ABCD3: variants seen among roughly 807,000 people sequenced by gnomAD.
ABCD3 encodes ATP binding cassette subfamily D member 3.
ABCD3 carries 41 observed loss-of-function variants against 105.5 expected under a neutral mutation model. The observed-to-expected ratio is 0.39, with a 90% CI of 0.30 to 0.50. ABCD3 has a LOEUF of 0.50. ABCD3 is among the 20% of genes least tolerant of loss of function. The pLI is 0.84. For missense variants in ABCD3, 622 were observed against 806.3 expected (o/e 0.77, Z 2.77); for synonymous variants, 258 against 269.0 (o/e 0.96, Z 0.40).
chr1:94,385,195 G>A, the ABCD3 span, among the ~76,000 whole-genome samples: 1 of 152,150 alleles, frequency 6.6e-6, no homozygotes. Context: ...GAAGAATGGG[G>A]CATTCTCTTA....
At chr1:94,441,965 T>G (rs1056155257) in intron 1 of ABCD3, among the ~76,000 whole-genome samples, 1 of 152,210 alleles carries the variant, frequency 6.6e-6, no homozygotes, top group African/African-American at 2.4e-5. Flanking sequence ...ATTCTATCCA[T>G]GTTAATTTCA....
At chr1:94,515,029 A>G (rs991826130) in intron 21 of ABCD3, 117 bp from the exon 22 acceptor site, 14 of 798,072 alleles carry the variant, frequency 1.8e-5, no homozygotes, top group Non-Finnish European at 2.5e-5. Context: ...TTTCTCATTG[A>G]CATTGCTTTT....
At chr1:94,408,639 G>C in the ABCD3 span, among the ~76,000 whole-genome samples, 1 of 151,970 alleles carries the variant, frequency 6.6e-6, no homozygotes, top group African/African-American at 2.4e-5. Flanking sequence ...AATGGGCAGA[G>C]CCTGCCATAT....
At chr1:94,484,119 T>C (rs1649165992) in intron 10 of ABCD3, among the ~76,000 whole-genome samples, 1 of 152,124 alleles carries the variant, frequency 6.6e-6, no homozygotes, top group Admixed American at 6.5e-5. Flanking sequence ...AGAATGGCGA[T>C]CATTGAAAAG....
intron 20 of ABCD3, among the ~76,000 whole-genome samples, chr1:94,505,384 T>C (rs1229151616): frequency 6.6e-6 from 1 of 150,544 alleles, no homozygotes; most frequent in Non-Finnish European, 1.5e-5. Context: ...TTTTTTTTTT[T>C]TTTTTTTTTT....
chr1:94,467,839 C>A, intron 3 of ABCD3, 80 bp from the exon 4 acceptor site: 1 of 1,041,478 alleles, frequency 9.6e-7, no homozygotes, highest in Non-Finnish European at 1.5e-6. Context: ...ATTTGGAAAC[C>A]AAAAATTGTT....
chr1:94,417,241 C>T (rs769199058), upstream of ABCD3, among the ~76,000 whole-genome samples: 2 of 152,194 alleles, frequency 1.3e-5, no homozygotes, highest in African/African-American at 2.4e-5. Context: ...CACCTCTATA[C>T]GCATGCCATT....
At chr1:94,412,622 G>C in the ABCD3 span, among the ~76,000 whole-genome samples, 4 of 152,174 alleles carry the variant, frequency 2.6e-5, 1 homozygote, top group Admixed American at 6.5e-5. Flanking sequence ...TACATCTGCA[G>C]AGTCAATTCC....
intron 1 of ABCD3, among the ~76,000 whole-genome samples, chr1:94,446,750 A>G (rs544047444): frequency 1.3e-5 from 2 of 152,320 alleles, no homozygotes; most frequent in South Asian, 2.1e-4. Context: ...TGCGTGGCCA[A>G]TTCAACCTGT....
chr1:94,447,204 C>A (rs934075248), intron 1 of ABCD3, among the ~76,000 whole-genome samples: 1 of 152,084 alleles, frequency 6.6e-6, no homozygotes. Flanking sequence ...TAGAGAACGT[C>A]GTTAATAAAC....
chr1:94,408,908 C>T, the ABCD3 span, among the ~76,000 whole-genome samples: 1 of 152,190 alleles, frequency 6.6e-6, no homozygotes, highest in Non-Finnish European at 1.5e-5. Flanking sequence ...CTATGTTAAA[C>T]TGCAATAAGA....
At chr1:94,506,790 A>G (rs1650375855) in intron 21 of ABCD3, 148 bp downstream of exon 21, 1 of 604,558 alleles carries the variant, frequency 1.7e-6, no homozygotes. Context: ...TTTAAAACAT[A>G]TGAATAAAAG....
At chr1:94,468,862 C>G (rs1648296747) in intron 4 of ABCD3, among the ~76,000 whole-genome samples, 1 of 143,504 alleles carries the variant, frequency 7.0e-6, no homozygotes, top group Non-Finnish European at 1.5e-5. Context: ...TGACTCATTT[C>G]TCTAGGACAG....
intron 16 of ABCD3, among the ~76,000 whole-genome samples, chr1:94,497,144 C>T (rs1649864501): frequency 6.6e-6 from 1 of 152,060 alleles, no homozygotes; most frequent in Admixed American, 6.6e-5. Context: ...TCCCAAGTTC[C>T]CTTTGTCTGT....
At chr1:94,497,189 A>G (rs1649865711) in intron 16 of ABCD3, among the ~76,000 whole-genome samples, 1 of 152,148 alleles carries the variant, frequency 6.6e-6, no homozygotes, top group Non-Finnish European at 1.5e-5. Context: ...CTAATATACT[A>G]TTTAACTTAT....
chr1:94,405,209 A>T, the ABCD3 span, among the ~76,000 whole-genome samples: 30 of 152,084 alleles, frequency 2.0e-4, no homozygotes, highest in Admixed American at 5.9e-4. Context: ...TTATATTTGA[A>T]TCTGTGTAGC....
chr1:94,410,979 T>C, the ABCD3 span, among the ~76,000 whole-genome samples: 17 of 152,100 alleles, frequency 1.1e-4, no homozygotes, highest in Non-Finnish European at 2.1e-4. Context: ...CAAAAATTGA[T>C]ACAAAAGGGA....
At chr1:94,386,617 C>G in the ABCD3 span, among the ~76,000 whole-genome samples, 2 of 152,330 alleles carry the variant, frequency 1.3e-5, no homozygotes, top group South Asian at 4.1e-4. Context: ...AGTAAAAATG[C>G]TGTAGGATTA....
chr1:94,397,521 G>A, the ABCD3 span, among the ~76,000 whole-genome samples: 1 of 152,120 alleles, frequency 6.6e-6, no homozygotes, highest in Non-Finnish European at 1.5e-5. Flanking sequence ...TTAGTTGGGG[G>A]TTATGGACTT....
Sources: allele counts gnomAD v4.1 joint callset (sites outside exome capture counted in the v4.1 genomes callset), GRCh38; gene constraint gnomAD v4.1.1; transcripts MANE v1.5; gene names NCBI Gene and HGNC (gene_info 2026-07-23, HGNC 2026-07-21).